Variants in PLGRKT observed in about 807,000 individuals in gnomAD.
The protein encoded by PLGRKT is plasminogen receptor (KT).
PLGRKT carries 22 observed loss-of-function variants against 18.5 expected under a neutral mutation model. The observed-to-expected ratio is 1.19, with a 90% confidence interval of 0.85 to 1.70. The LOEUF is 1.70. PLGRKT is among the 40% of genes most tolerant of loss of function. The pLI, the probability that PLGRKT is intolerant of heterozygous loss-of-function variation, is 0.00. For missense variants in PLGRKT, 235 were observed against 174.4 expected (o/e 1.35, Z -1.96); for synonymous variants, 72 against 52.8 (o/e 1.36, Z -1.58).
chr9:5,407,101 T>C (rs1359101872), intron 3 of PLGRKT, among the ~76,000 whole-genome samples: 1 of 152,210 alleles, frequency 6.6e-6, no homozygotes, highest in African/African-American at 2.4e-5. Flanking sequence ...TTCTTCAAAT[T>C]AATATTTTTA....
chr9:5,367,065 A>ACCCC (rs56895839), intron 3 of PLGRKT, among the ~76,000 whole-genome samples: 1 of 148,534 alleles, frequency 6.7e-6, no homozygotes, highest in African/African-American at 2.5e-5. Flanking sequence ...ACACACACAC[A>ACCCC]CACCCCTAGG....
At chr9:5,390,400 CCAAA>C (rs1817927160) in intron 3 of PLGRKT, among the ~76,000 whole-genome samples, 1 of 151,718 alleles carries the variant, frequency 6.6e-6, no homozygotes, top group Admixed American at 6.6e-5. Flanking sequence ...ACAGGAGAGG[CCAAA>C]CAGAGTGGTC....
chr9:5,399,997 AT>A (rs1333815040), intron 3 of PLGRKT, among the ~76,000 whole-genome samples: 7 of 151,856 alleles, frequency 4.6e-5, no homozygotes, highest in Non-Finnish European at 7.3e-5. Flanking sequence ...CTCAAAAAAA[AT>A]AAATGAAATA....
At chr9:5,425,176 CA>C (rs1818672233) in intron 3 of PLGRKT, among the ~76,000 whole-genome samples, 1 of 152,176 alleles carries the variant, frequency 6.6e-6, no homozygotes, top group African/African-American at 2.4e-5. Context: ...CCCTCATTCT[CA>C]AAATGCTTTT....
intron 3 of PLGRKT, among the ~76,000 whole-genome samples, chr9:5,422,114 TGA>T (rs1818587189): frequency 6.6e-6 from 1 of 152,172 alleles, no homozygotes; most frequent in Non-Finnish European, 1.5e-5. Context: ...GTCAAAGGAA[TGA>T]GAGAATATTT....
At chr9:5,420,051 T>G (rs1818545107) in intron 3 of PLGRKT, among the ~76,000 whole-genome samples, 1 of 152,190 alleles carries the variant, frequency 6.6e-6, no homozygotes, top group African/African-American at 2.4e-5. Flanking sequence ...TAAAAAGGAA[T>G]GAGGTACTGA....
intron 3 of PLGRKT, among the ~76,000 whole-genome samples, chr9:5,378,732 A>T (rs2131089369): frequency 6.6e-6 from 1 of 152,312 alleles, no homozygotes; most frequent in Admixed American, 6.5e-5. Context: ...AAATGACATG[A>T]AGCAAAACTG....
Position 5,418,614 on chromosome 9 carries a change from C to A in PLGRKT, c.81+13283G>T. ...TGACGGACTTCTGCCGGTTCCTGGGCAGCAGGTGGCGGCTCATATCTCCGG... is the reference window on the plus strand; with the variant it reads ...TGACGGACTTCTGCCGGTTCCTGGGAAGCAGGTGGCGGCTCATATCTCCGG... On this transcript the variant is annotated intron_variant, in intron 3 of 5. Transcript: ENST00000223864. This position sits in a 1 kb window ranked among gnomAD's most constrained non-coding sequence, Gnocchi z 4.2. The A allele has an allele frequency of 2.8e-6, 2 of 723,768 alleles. No individual in the cohort carries two copies. Among genetic ancestry groups the A allele is most frequent in the Non-Finnish European group, 2.6e-6 (1 of 388,620 alleles). 44.8% of individuals were successfully genotyped at this position (723,768 alleles called of 1,614,324 possible).
chr9:5,430,795 A>C (rs1818807355), intron 3 of PLGRKT, among the ~76,000 whole-genome samples: 1 of 152,248 alleles, frequency 6.6e-6, no homozygotes, highest in African/African-American at 2.4e-5. Context: ...TCTTTGTCTG[A>C]AATCTTAGGA....
At chr9:5,362,020 G>T (rs1288216306) in intron 3 of PLGRKT, 132 bp from the exon 4 acceptor site, 10 of 863,722 alleles carry the variant, frequency 1.2e-5, no homozygotes, top group Non-Finnish European at 1.8e-5. Flanking sequence ...AATCTCAACA[G>T]ACTTTGACTA....
chr9:5,392,618 T>C (rs1365806981), intron 3 of PLGRKT: 2 of 151,924 alleles, frequency 1.3e-5, no homozygotes, highest in African/African-American at 2.4e-5. Context: ...TCAGGCAAGC[T>C]GCTTTTCATC....
chr9:5,401,493 C>T (rs1452324365), intron 3 of PLGRKT, among the ~76,000 whole-genome samples: 1 of 151,804 alleles, frequency 6.6e-6, no homozygotes, highest in African/African-American at 2.4e-5. Context: ...ACTTCTATGG[C>T]CTGTAACCCA....
At chr9:5,433,120 G>C (rs543040724) in intron 2 of PLGRKT, among the ~76,000 whole-genome samples, 2 of 145,942 alleles carry the variant, frequency 1.4e-5, no homozygotes, top group Non-Finnish European at 3.0e-5. Context: ...CCCCGTCTGG[G>C]AAGAAGTGAG....
At chr9:5,437,953 T>A (rs1326936197), upstream of PLGRKT, 1 of 152,280 alleles carries the variant, frequency 6.6e-6, no homozygotes, top group Non-Finnish European at 1.5e-5. Flanking sequence ...CTCAGCTTCT[T>A]TAAAGAGCCG....
Position 5,418,261 on chromosome 9 carries a change from C to A in PLGRKT, c.81+13636G>T. 2.4e-6 allele frequency: 1 copy of A among 423,918 alleles called. No homozygotes were observed. Among genetic ancestry groups the A allele is most frequent in the Admixed American group, 3.1e-5 (1 of 32,458 alleles). 26.3% of individuals were successfully genotyped at this position (423,918 alleles called of 1,614,324 possible). A position where few individuals can be genotyped will look rare whatever the true frequency, so the allele number is the denominator to read the frequency against. ...AAGAGGCAAACCAGAGGCCAGCTCT[C>A]AGCACCAAATGGTCAGTGTCGCCCC... On this transcript the variant is annotated intron_variant, in intron 3 of 5. Transcript: ENST00000223864. The surrounding 1 kb of genome is among the most constrained non-coding windows in gnomAD (Gnocchi z 4.2).
At chr9:5,432,825 T>C (rs1818857013) in intron 2 of PLGRKT, among the ~76,000 whole-genome samples, 1 of 152,158 alleles carries the variant, frequency 6.6e-6, no homozygotes, top group Admixed American at 6.5e-5. Flanking sequence ...TGGAGTGCAG[T>C]GGCGTGATCT....
At chr9:5,432,100 A>G (rs1474007811) in intron 2 of PLGRKT, 117 bp from the exon 3 acceptor site, 3 of 593,908 alleles carry the variant, frequency 5.1e-6, no homozygotes, top group Non-Finnish European at 9.0e-6. Context: ...AAAATTTCTG[A>G]TCTAGGAACA....
In PLGRKT at chr9:5,424,689, T is replaced by TATATATATATATATATATATACAC. The variant is rs1563790070; in HGVS notation, c.81+7207_81+7208insGTGTATATATATATATATATATAT. Among the ~76,000 whole-genome samples, 201 of 70,722 alleles carry TATATATATATATATATATATACAC rather than the reference T, an allele frequency of 2.8e-3. 3 individuals are homozygous for TATATATATATATATATATATACAC. Among genetic ancestry groups the TATATATATATATATATATATACAC allele is most frequent in the African/African-American group, 0.01 (169 of 16,876 alleles). The allele number at this position is 70,722 out of a possible 152,430, so 46.4% of individuals were successfully genotyped here. On this transcript the variant is annotated intron_variant, in intron 3 of 5. Transcript: ENST00000223864. ...TATTTTATATATATATATATATATA[T>TATATATATATATATATATATACAC]ATACACACAGGGGGGGGAGAGAGGG...
At chr9:5,388,685 T>C (rs1442124917) in intron 3 of PLGRKT, among the ~76,000 whole-genome samples, 1 of 152,022 alleles carries the variant, frequency 6.6e-6, no homozygotes, top group Non-Finnish European at 1.5e-5. Flanking sequence ...AAATGAAGTG[T>C]TCTCTTGGCC....
Sources: gnomAD v4.1 joint callset for allele counts (sites outside exome capture counted in the v4.1 genomes callset) on GRCh38, gnomAD v4.1.1 for gene constraint, Gnocchi (gnomAD v3.1) non-coding constraint, MANE v1.5 for transcripts, NCBI Gene and HGNC (gene_info 2026-07-23, HGNC 2026-07-21) for gene names.